C3AR1: variants seen among roughly 807,000 people sequenced by gnomAD.
C3AR1 encodes the protein C3a anaphylatoxin chemotactic receptor.
For missense variants in C3AR1, 579 were observed against 583.5 expected (o/e 0.99, Z 0.08); for synonymous variants, 208 against 225.3 (o/e 0.92, Z 0.69).
chr12:8,058,626 T>C lies in C3AR1; in HGVS notation c.*111A>G, dbSNP rs55776262. Reference sequence around the variant, plus strand: ...GTGTACCGTTTGAGAACCGCTGGATTGATTCTTTGACAGTTTTTGAAGTCC... The same window carrying C: ...GTGTACCGTTTGAGAACCGCTGGATCGATTCTTTGACAGTTTTTGAAGTCC... On this transcript the variant is annotated 3_prime_UTR_variant, in exon 2 of 2. Transcript: ENST00000307637. The C allele has an allele frequency of 1.3e-3, 1,580 of 1,194,418 alleles. 24 individuals are homozygous for C. The East Asian group carries it at 0.034, about 25-fold the overall frequency. The allele number at this position is 1,194,418 out of a possible 1,614,324, so 74.0% of individuals were successfully genotyped here.
chr12:8,059,415 A>G lies in C3AR1; in HGVS notation c.771T>C (p.Asn257=). 1.2e-6 allele frequency: 2 copies of G among 1,614,112 alleles called. No individual in the cohort carries two copies. The highest frequency in any genetic ancestry group is 2.2e-5 in the East Asian group (1 of 44,884). ...ARLTSQNLYS[N]VFKPADVVSP... ...AGACCACATCAGCAGGTTTAAATAC[A>G]TTAGAATACAGATTTTGACTTGTTA... The change falls in exon 2 of 2, where the codon AAT becomes AAC. Residue 257 remains asparagine, a synonymous_variant. Coordinates refer to ENST00000307637, the MANE Select transcript of C3AR1 (RefSeq NM_004054.4).
intron 1 of C3AR1, among the ~76,000 whole-genome samples, chr12:8,063,183 C>G (rs1416276160): frequency 6.6e-6 from 1 of 151,580 alleles, no homozygotes; most frequent in Non-Finnish European, 1.5e-5. Context: ...ATCTTGATTT[C>G]CTGACCTGGT....
intron 1 of C3AR1, among the ~76,000 whole-genome samples, chr12:8,065,557 G>A (rs1399222434): frequency 6.6e-6 from 1 of 150,778 alleles, no homozygotes; most frequent in Non-Finnish European, 1.5e-5. Flanking sequence ...AGGAGGCTGA[G>A]GCAGGAGAAT....
chr12:8,056,895 C>T lies in C3AR1; in HGVS notation c.*1842G>A, dbSNP rs1947194899. Among the ~76,000 whole-genome samples, 1 of 152,200 alleles carries T rather than the reference C, an allele frequency of 6.6e-6. No homozygotes were observed. The highest frequency in any genetic ancestry group is 2.4e-5 in the African/African-American group (1 of 41,454). On this transcript the variant is annotated 3_prime_UTR_variant, in exon 2 of 2. Transcript: ENST00000307637. ...ACCCATGAGAAAAAAAGCATTTATT[C>T]ATATCAAATATATAAGCAAATTAAT...
chr12:8,060,308 G>A, intron 1 of C3AR1, 113 bp from the exon 2 acceptor site: 3 of 857,854 alleles, frequency 3.5e-6, no homozygotes, highest in East Asian at 2.5e-5. Context: ...AAACCAGAAG[G>A]TCCTCACGCT....
In C3AR1 at chr12:8,059,902, C is replaced by T; in HGVS notation, c.284G>A (p.Cys95Tyr). Residue 95 changes from cysteine to tyrosine, a missense_variant, in exon 2 of 2, where the codon TGC (cysteine) becomes TAC (tyrosine). Coordinates refer to ENST00000307637, the MANE Select transcript of C3AR1 (RefSeq NM_004054.4). ...GACAATGATGGAGGGGATGAGCTTG[C>T]ATAGGAACCTGCCGTAGGGCCACTG... Reference protein sequence around the residue: ...QGQWPYGRFLCKLIPSIIVLN... With the variant: ...QGQWPYGRFLYKLIPSIIVLN... The T allele has an allele frequency of 6.2e-7, 1 of 1,614,148 alleles. No individual in the cohort carries two copies. Among genetic ancestry groups the T allele is most frequent in the South Asian group, 1.1e-5 (1 of 91,074 alleles).
In C3AR1 at chr12:8,059,801, A is replaced by G. The variant is rs1231160980; in HGVS notation, c.385T>C (p.Trp129Arg). ...CCTACATTGCGATGATTCTGACACC[A>G]GATTGGCTTGAATACCACAAGACAG... ...DRCLVVFKPI[W>R]CQNHRNVGMA... The change falls in exon 2 of 2, where the codon TGG becomes CGG. Residue 129 changes from tryptophan to arginine, a missense_variant. By Grantham distance (101) the Trp-to-Arg change is moderately radical. Transcript: ENST00000307637. 1 of 1,614,194 alleles carries G rather than the reference A, an allele frequency of 6.2e-7. No homozygotes were observed.
rs1219730012 is a variant in C3AR1, at chr12:8,058,068, G to T, written c.*669C>A. ...AATAGATGCTTATTTAGTTGTAATA[G>T]TGGAAACTCTATGTAATAGTGGAAA... On this transcript the variant is annotated 3_prime_UTR_variant, in exon 2 of 2. Coordinates refer to ENST00000307637, the MANE Select transcript of C3AR1 (RefSeq NM_004054.4). 6.6e-6 allele frequency among the ~76,000 whole-genome samples: 1 copy of T among 152,176 alleles called. No homozygotes were observed. The highest frequency in any genetic ancestry group is 6.5e-5 in the Admixed American group (1 of 15,280).
intron 1 of C3AR1, among the ~76,000 whole-genome samples, chr12:8,061,087 A>G (rs972856498): frequency 6.6e-5 from 10 of 152,196 alleles, no homozygotes; most frequent in Non-Finnish European, 1.2e-4. Flanking sequence ...TGTCTTTTAG[A>G]TACAACTCCA....
In C3AR1 at chr12:8,059,922, C is replaced by G; in HGVS notation, c.264G>C (p.Trp88Cys). The change falls in exon 2 of 2, where the codon TGG (tryptophan) becomes TGC (cysteine). Residue 88 changes from tryptophan to cysteine, a missense_variant. Transcript: ENST00000307637. ...GCTTGCATAGGAACCTGCCGTAGGGCCACTGTCCCTGGAGAGCCAAGTGAG... is the reference window on the plus strand; with the variant it reads ...GCTTGCATAGGAACCTGCCGTAGGGGCACTGTCCCTGGAGAGCCAAGTGAG... ...SLAHLALQGQWPYGRFLCKLI... is the reference protein window; with the variant it reads ...SLAHLALQGQCPYGRFLCKLI... The G allele has an allele frequency of 6.2e-7, 1 of 1,614,108 alleles. No homozygotes were observed. Among genetic ancestry groups the G allele is most frequent in the South Asian group, 1.1e-5 (1 of 91,064 alleles).
In C3AR1 at chr12:8,059,241, C is replaced by T. The variant is rs1220840784; in HGVS notation, c.945G>A (p.Gln315=). ...FYESELPQGF[Q]DYYNLGQFTD... Reference sequence around the variant, plus strand: ...TGAATTGGCCTAAATTGTAATAATCCTGGAAACCTTGTGGTAGCTCAGACT... The same window carrying T: ...TGAATTGGCCTAAATTGTAATAATCTTGGAAACCTTGTGGTAGCTCAGACT... The change falls in exon 2 of 2, where the codon CAG becomes CAA. Residue 315 remains glutamine (Q), a synonymous_variant. Transcript: ENST00000307637. 6.2e-7 allele frequency: 1 copy of T among 1,613,998 alleles called. No individual in the cohort carries two copies. Among genetic ancestry groups the T allele is most frequent in the Non-Finnish European group, 8.5e-7 (1 of 1,180,012 alleles).
intron 1 of C3AR1, among the ~76,000 whole-genome samples, chr12:8,064,963 G>T (rs749002408): frequency 8.6e-5 from 13 of 151,934 alleles, no homozygotes; most frequent in Non-Finnish European, 1.5e-4. Flanking sequence ...ATCCTCCCAT[G>T]TTGGCCTCAC....
chr12:8,063,820 G>A (rs11567790), intron 1 of C3AR1, among the ~76,000 whole-genome samples: 5,017 of 151,952 alleles, frequency 0.033, 309 homozygotes, highest in African/African-American at 0.12. Context: ...GCCTGTAATC[G>A]CAGCACTTTG....
In C3AR1 at chr12:8,065,761, G is replaced by A. The variant is rs768019840; in HGVS notation, c.-11+517C>T. On this transcript the variant is annotated intron_variant, in intron 1 of 1. Transcript: ENST00000307637. ...TACCTTTATGTGTTTAAGATTAGTA[G>A]AGGATTAAAAAAAATTATTACTAAG... is the stretch of plus-strand genomic sequence containing the variant. 4.0e-5 allele frequency among the ~76,000 whole-genome samples: 6 copies of A among 150,898 alleles called. No individual in the cohort carries two copies. The East Asian group carries it at 1.2e-3, about 29-fold the overall frequency.
intron 1 of C3AR1, among the ~76,000 whole-genome samples, chr12:8,062,786 G>A (rs1947287416): frequency 6.6e-6 from 1 of 151,888 alleles, no homozygotes; most frequent in South Asian, 2.1e-4. Context: ...TGGGATTACA[G>A]GCATGCGCCA....
In C3AR1 at chr12:8,060,032, T is replaced by A; in HGVS notation, c.154A>T (p.Met52Leu). 1 of 1,614,044 alleles carries A rather than the reference T, an allele frequency of 6.2e-7. No individual in the cohort carries two copies. Among genetic ancestry groups the A allele is most frequent in the Non-Finnish European group, 8.5e-7 (1 of 1,180,028 alleles). ...GLVLWVAGLK[M>L]QRTVNTIWFL... ...CAAATTGTGTTCACTGTCCGCTGCA[T>A]CTTCAGGCCAGCCACCCACAGCACC... Residue 52 changes from methionine to leucine, a missense_variant, in exon 2 of 2, where the codon ATG becomes TTG. By Grantham distance (15) the Met-to-Leu change is conservative. Coordinates refer to ENST00000307637, the MANE Select transcript of C3AR1 (RefSeq NM_004054.4).
In C3AR1 at chr12:8,058,910, C is replaced by T; in HGVS notation, c.1276G>A (p.Ala426Thr). Residue 426 changes from alanine (A) to threonine (T), a missense_variant, in exon 2 of 2, where the codon GCC (alanine) becomes ACC (threonine). Transcript: ENST00000307637. Reference protein sequence around the residue: ...WDHVCIALASANSCFNPFLYA... With the variant: ...WDHVCIALASTNSCFNPFLYA... ...AGGAAGGGATTAAAGCAACTATTGG[C>T]AGATGCTAGAGCAATGCATACATGA... is the stretch of plus-strand genomic sequence containing the variant. 6.2e-7 allele frequency: 1 copy of T among 1,614,092 alleles called. No homozygotes were observed.
intron 1 of C3AR1, among the ~76,000 whole-genome samples, chr12:8,060,786 CTCTT>C (rs1309335590): frequency 6.6e-6 from 1 of 152,182 alleles, no homozygotes; most frequent in Non-Finnish European, 1.5e-5. Flanking sequence ...TAAATTTCTC[CTCTT>C]TCTTGTACTT....
In C3AR1 at chr12:8,058,925, T is replaced by G; in HGVS notation, c.1261A>C (p.Ile421Leu). ...KTLMSWDHVC[I>L]ALASANSCFN... Reference sequence around the variant, plus strand: ...CAACTATTGGCAGATGCTAGAGCAATGCATACATGATCCCAGGACATCAGA... The same window carrying G: ...CAACTATTGGCAGATGCTAGAGCAAGGCATACATGATCCCAGGACATCAGA... The change falls in exon 2 of 2, where the codon ATT becomes CTT. Residue 421 changes from isoleucine (I) to leucine (L), a missense_variant. Coordinates refer to ENST00000307637, the MANE Select transcript of C3AR1 (RefSeq NM_004054.4). The G allele has an allele frequency of 6.2e-7, 1 of 1,614,132 alleles. No homozygotes were observed. Among genetic ancestry groups the G allele is most frequent in the South Asian group, 1.1e-5 (1 of 91,090 alleles).
Sources: gnomAD v4.1 joint callset for allele counts (sites outside exome capture counted in the v4.1 genomes callset) on GRCh38, gnomAD v4.1.1 for gene constraint, MANE v1.5 for transcripts, NCBI Gene and HGNC (gene_info 2026-07-23, HGNC 2026-07-21) for gene names.